FLACC1: variants seen among roughly 807,000 people sequenced by gnomAD.
The protein encoded by FLACC1 is flagellum-associated coiled-coil domain-containing protein 1.
Under a neutral mutation model 62.8 loss-of-function variants are expected in FLACC1, and 66 were observed. The ratio of observed to expected loss-of-function variants is 1.05; its 90% confidence interval spans 0.86 to 1.29. FLACC1 has a LOEUF of 1.29. FLACC1 is among the 50% of genes most tolerant of loss of function. The probability of loss-of-function intolerance (pLI) is 0.00; values close to 1 mark genes in which losing one functional copy is unlikely to be tolerated. For synonymous variants in FLACC1, 156 were observed against 161.0 expected, an observed-to-expected ratio of 0.97 and a Z score of 0.24; for missense variants, 452 against 489.1, an observed-to-expected ratio of 0.92 and a Z score of 0.71.
In FLACC1 at chr2:201,289,782, T is replaced by A. The variant is rs374572019; in HGVS notation, c.946A>T (p.Met316Leu). The change falls in exon 13 of 15, where the codon ATG becomes TTG. Residue 316 changes from methionine (M) to leucine (L), a missense_variant. This residue lies in a region of FLACC1 where 301 missense variants were observed against 318.4 expected (regional missense o/e 0.95). Transcript: ENST00000392257. ...LEELRKTKEV[M>L]QEELHAQALI... ...GCTTGTGCATGCAATTCTTCCTGCA[T>A]GACCTGCATAAGAAGAAGCTGTTGC... 1 of 1,614,124 alleles carries A rather than the reference T, an allele frequency of 6.2e-7. No individual in the cohort carries two copies. Among genetic ancestry groups the A allele is most frequent in the Non-Finnish European group, 8.5e-7 (1 of 1,180,048 alleles).
chr2:201,307,493 C>T lies in FLACC1; in HGVS notation c.879+26G>A. The T allele has an allele frequency of 2.5e-6, 4 of 1,580,254 alleles. No individual in the cohort carries two copies. In the Admixed American group the frequency reaches 6.7e-5, roughly 26 times the overall value. On this transcript the variant is annotated intron_variant, in intron 11 of 14. Coordinates refer to ENST00000392257, the MANE Select transcript of FLACC1 (RefSeq NM_001127391.3). ...GTACCACCTGGACTACCCATTCAAT[C>T]ACCAAGGTGCTTTGGGCTGAGTTAC...
chr2:201,315,201 C>T (rs1164175014), intron 9 of FLACC1, among the ~76,000 whole-genome samples: 1 of 152,160 alleles, frequency 6.6e-6, no homozygotes, highest in South Asian at 2.1e-4. Context: ...TGGTACCTCA[C>T]ATCTCAATAC....
Position 201,292,783 on chromosome 2 carries a change from C to T in FLACC1, c.943-2998G>A, listed in dbSNP as rs1022342999. ...TGCTGTATTCAGGAAACCCACCTTA[C>T]ATGCAGAGACACACAGAGGCTCAAA... On this transcript the variant is annotated intron_variant, in intron 12 of 14. Transcript: ENST00000392257. Among the ~76,000 whole-genome samples the T allele has an allele frequency of 3.3e-4, 50 of 152,138 alleles. 1 individual carries two copies. The highest frequency in any genetic ancestry group is 8.9e-4 in the African/African-American group (37 of 41,418).
chr2:201,356,757 G>C (rs868694235), intron 1 of FLACC1, among the ~76,000 whole-genome samples: 1 of 152,138 alleles, frequency 6.6e-6, no homozygotes, highest in African/African-American at 2.4e-5. Context: ...TGCATTTACA[G>C]TGGCTTGACA....
intron 9 of FLACC1, among the ~76,000 whole-genome samples, chr2:201,328,810 C>T (rs190186125): frequency 3.3e-5 from 5 of 152,210 alleles, no homozygotes; most frequent in Admixed American, 3.3e-4. Context: ...GGGCTGAAAA[C>T]CTATATTTTG....
chr2:201,330,297 A>G (rs1399053425), intron 9 of FLACC1, among the ~76,000 whole-genome samples, 173 bp downstream of exon 9: 2 of 152,160 alleles, frequency 1.3e-5, no homozygotes, highest in Admixed American at 1.3e-4. Flanking sequence ...CTTGTCATGC[A>G]TGGAAGCCAT....
At chr2:201,294,187 C>T (rs1559384196) in intron 12 of FLACC1, among the ~76,000 whole-genome samples, 1 of 152,166 alleles carries the variant, frequency 6.6e-6, no homozygotes, top group Non-Finnish European at 1.5e-5. Context: ...CAGCATCATC[C>T]TGATACCAAA....
At chr2:201,298,320 T>C (rs77413225) in intron 12 of FLACC1, among the ~76,000 whole-genome samples, 8,707 of 152,202 alleles carry the variant, frequency 0.057, 711 homozygotes, top group African/African-American at 0.17. Flanking sequence ...GCAACTTAAC[T>C]GCATCCCAGG....
At chr2:201,301,674 C>T (rs1949986866) in intron 11 of FLACC1, among the ~76,000 whole-genome samples, 1 of 152,136 alleles carries the variant, frequency 6.6e-6, no homozygotes, top group Non-Finnish European at 1.5e-5. Flanking sequence ...TTAAGGGCAG[C>T]CAGAGAGAAA....
intron 5 of FLACC1, among the ~76,000 whole-genome samples, chr2:201,344,607 C>T (rs777048373): frequency 1.3e-5 from 2 of 152,074 alleles, no homozygotes; most frequent in South Asian, 2.1e-4. Flanking sequence ...AAACAGAGGA[C>T]GAAGTTCAGA....
the FLACC1 span, among the ~76,000 whole-genome samples, chr2:201,363,822 T>C: frequency 2.0e-5 from 3 of 152,140 alleles, no homozygotes; most frequent in South Asian, 6.2e-4. Context: ...GCCGCCCCCA[T>C]CCCTTTGCAG....
At chr2:201,289,281 A>T in intron 14 of FLACC1, 176 bp downstream of exon 14, 1 of 600,690 alleles carries the variant, frequency 1.7e-6, no homozygotes, top group Non-Finnish European at 2.9e-6. Flanking sequence ...CTCCACCTCA[A>T]GTGAACTATC....
At chr2:201,363,385 T>C in the FLACC1 span, among the ~76,000 whole-genome samples, 12,486 of 152,010 alleles carry the variant, frequency 0.082, 626 homozygotes, top group African/African-American at 0.11. Flanking sequence ...CTACCTTTCC[T>C]GTGCAGAGAT....
intron 7 of FLACC1, among the ~76,000 whole-genome samples, chr2:201,333,631 A>G (rs570790422): frequency 5.1e-4 from 70 of 136,654 alleles, no homozygotes; most frequent in African/African-American, 1.9e-3. Context: ...TTCAATTCCC[A>G]CCTATGAGTG....
At chr2:201,310,664 G>A (rs1042180648) in intron 9 of FLACC1, among the ~76,000 whole-genome samples, 9 of 152,200 alleles carry the variant, frequency 5.9e-5, no homozygotes, top group African/African-American at 2.2e-4. Context: ...TGCTTTGCTT[G>A]TGGCAGTGCA....
chr2:201,335,752 A>G (rs972334153), intron 7 of FLACC1, among the ~76,000 whole-genome samples: 13 of 152,162 alleles, frequency 8.5e-5, no homozygotes, highest in Non-Finnish European at 1.5e-4. Flanking sequence ...AAATCTGTGT[A>G]ATGCTTTGGG....
At chr2:201,314,038 G>A (rs183374821) in intron 9 of FLACC1, among the ~76,000 whole-genome samples, 127 of 152,228 alleles carry the variant, frequency 8.3e-4, no homozygotes, top group African/African-American at 2.8e-3. Flanking sequence ...AAGAGAACAC[G>A]CCATAGGACA....
chr2:201,309,777 C>T (rs760720042), intron 9 of FLACC1, among the ~76,000 whole-genome samples: 2 of 151,302 alleles, frequency 1.3e-5, no homozygotes, highest in Non-Finnish European at 3.0e-5. Flanking sequence ...CGTGGTGGCA[C>T]ACACCTGTAG....
At chr2:201,331,169 A>G (rs1950587399) in intron 7 of FLACC1, among the ~76,000 whole-genome samples, 2 of 151,804 alleles carry the variant, frequency 1.3e-5, no homozygotes, top group South Asian at 2.1e-4. Context: ...GGGTCTTGCT[A>G]TGGTGTCCAG....
Sources: allele counts gnomAD v4.1 joint callset (sites outside exome capture counted in the v4.1 genomes callset), GRCh38; gene constraint gnomAD v4.1.1; regional missense constraint gnomAD v4.1.1; transcripts MANE v1.5; gene names NCBI Gene and HGNC (gene_info 2026-07-23, HGNC 2026-07-21).